LPCAT2: variants seen among roughly 807,000 people sequenced by gnomAD.
The protein encoded by LPCAT2 is 1-AGP acyltransferase 11.
A neutral mutation model predicts 64.7 loss-of-function variants in LPCAT2; 58 were observed. The ratio of observed to expected loss-of-function variants is 0.90; its 90% CI spans 0.73 to 1.12. LPCAT2 has a LOEUF of 1.12. Among genes scored for constraint, LPCAT2 ranks in the 50% most tolerant of loss-of-function variants. The probability of loss-of-function intolerance (pLI) is 0.00; values close to 1 mark genes in which losing one functional copy is unlikely to be tolerated. For missense variants in LPCAT2, 579 were observed against 669.8 expected (o/e 0.86, Z 1.50); for synonymous variants, 252 against 245.3 (o/e 1.03, Z -0.26).
rs779365528 is a variant in LPCAT2 at position 55,509,317 on chromosome 16, C to A, written c.136C>A (p.Gln46Lys). 3.4e-6 allele frequency: 5 copies of A among 1,486,148 alleles called. No homozygotes were observed. The highest frequency in any genetic ancestry group is 1.4e-5 in the African/African-American group (1 of 69,262). The allele number at this position is 1,486,148 out of a possible 1,614,324, so 92.1% of individuals were successfully genotyped here. ...GCCGCCGGTGCCGAACCCCTTCGTG[C>A]AGCAGACGCAGATCGGCTCCGCGAG... ...FPPPVPNPFVQQTQIGSARRV... is the reference protein window; with the variant it reads ...FPPPVPNPFVKQTQIGSARRV... Residue 46 changes from glutamine to lysine, a missense_variant, in exon 1 of 14, where the codon CAG becomes AAG. By Grantham distance (53) the Gln-to-Lys change is moderately conservative (BLOSUM62 1). Coordinates refer to ENST00000262134, the MANE Select transcript of LPCAT2 (RefSeq NM_017839.5).
chr16:55,568,001 A>G (rs988809641), intron 11 of LPCAT2, among the ~76,000 whole-genome samples: 1 of 152,204 alleles, frequency 6.6e-6, no homozygotes, highest in African/African-American at 2.4e-5. Context: ...ATGTAAAAAA[A>G]TGAAAAGTGC....
chr16:55,525,475 C>T (rs779557186), intron 1 of LPCAT2, 33 bp from the exon 2 acceptor site: 4 of 1,572,672 alleles, frequency 2.5e-6, no homozygotes, highest in Non-Finnish European at 3.5e-6. Context: ...AAATAATGTC[C>T]ATTCATTTAT....
intron 10 of LPCAT2, 120 bp downstream of exon 10, chr16:55,549,522 G>A (rs1963491643): frequency 1.0e-6 from 1 of 985,736 alleles, no homozygotes; most frequent in Non-Finnish European, 1.4e-6. Context: ...TGTATATTAG[G>A]AAAGTCAGAG....
At position 55,585,756 on chromosome 16, in the gene LPCAT2, A is replaced by C. The variant is rs369235638; in HGVS notation, c.*2658A>C. 2 of 152,288 alleles carry C rather than the reference A, an allele frequency of 1.3e-5. No individual in the cohort carries two copies. The highest frequency in any genetic ancestry group is 4.8e-5 in the African/African-American group (2 of 41,568). 9.4% of individuals were successfully genotyped at this position (152,288 alleles called of 1,614,324 possible). The stretch of plus-strand genomic sequence containing the variant: ...AAGTGTGATAGTAATGCTAGCTCTA[A>C]TGCATATTTAAAGGAGACTGCCTCG... On this transcript the variant is annotated 3_prime_UTR_variant, in exon 14 of 14. Coordinates refer to ENST00000262134, the MANE Select transcript of LPCAT2 (RefSeq NM_017839.5).
chr16:55,530,175 T>A (rs1310444825), intron 4 of LPCAT2, among the ~76,000 whole-genome samples: 4 of 152,246 alleles, frequency 2.6e-5, no homozygotes, highest in African/African-American at 7.2e-5. Context: ...TCCAAACTCT[T>A]TGAACCAATT....
intron 3 of LPCAT2, among the ~76,000 whole-genome samples, chr16:55,529,236 TC>T (rs1963218053): frequency 6.6e-6 from 1 of 152,180 alleles, no homozygotes; most frequent in Admixed American, 6.5e-5. Flanking sequence ...GTGTGAAAGT[TC>T]CCTGATGTTG....
chr16:55,568,933 A>G (rs1963738064), intron 11 of LPCAT2, among the ~76,000 whole-genome samples: 1 of 152,216 alleles, frequency 6.6e-6, no homozygotes, highest in Non-Finnish European at 1.5e-5. Flanking sequence ...TAGAGAGGCT[A>G]CATTTGCAAG....
At chr16:55,531,869 T>A (rs746418114) in intron 4 of LPCAT2, 45 bp from the exon 5 acceptor site, 1 of 1,237,802 alleles carries the variant, frequency 8.1e-7, no homozygotes, top group Non-Finnish European at 1.2e-6. Context: ...AAGAGGTAAT[T>A]TATTAATTAG....
intron 9 of LPCAT2, among the ~76,000 whole-genome samples, chr16:55,546,096 T>G (rs571622137): frequency 6.6e-6 from 1 of 151,992 alleles, no homozygotes; most frequent in Non-Finnish European, 1.5e-5. Flanking sequence ...CAGGGTGGAT[T>G]CTCCTAAGCT....
chr16:55,520,124 A>G (rs1482826047), intron 1 of LPCAT2, among the ~76,000 whole-genome samples: 1 of 152,172 alleles, frequency 6.6e-6, no homozygotes, highest in Non-Finnish European at 1.5e-5. Context: ...TAGACAAAAG[A>G]ATAAGACCCA....
At chr16:55,563,087 G>A (rs1449330573) in intron 11 of LPCAT2, among the ~76,000 whole-genome samples, 4 of 151,870 alleles carry the variant, frequency 2.6e-5, no homozygotes, top group African/African-American at 9.7e-5. Context: ...AGGATGATGA[G>A]TGAGTACTAC....
intron 13 of LPCAT2, 53 bp from the exon 14 acceptor site, chr16:55,582,861 T>C (rs1963901764): frequency 8.3e-7 from 1 of 1,211,226 alleles, no homozygotes; most frequent in South Asian, 1.4e-5. Context: ...ATCTGCATCA[T>C]GCCAAAAGAA....
intron 2 of LPCAT2, among the ~76,000 whole-genome samples, chr16:55,527,605 T>A (rs1963189908): frequency 6.6e-6 from 1 of 152,160 alleles, no homozygotes. Context: ...CTTCTAGGAA[T>A]ACATTTTTGT....
At chr16:55,567,239 T>A (rs763331405) in intron 11 of LPCAT2, 2 of 1,613,776 alleles carry the variant, frequency 1.2e-6, no homozygotes, top group East Asian at 2.2e-5. Flanking sequence ...ATAAGCAGTA[T>A]GACAGGGACC....
chr16:55,528,661 A>G (rs1963209623), intron 3 of LPCAT2, 67 bp downstream of exon 3: 4 of 1,171,434 alleles, frequency 3.4e-6, no homozygotes, highest in Non-Finnish European at 5.0e-6. Context: ...AAATAATCAT[A>G]TATAGTTCAT....
chr16:55,579,560 A>T (rs1260779281), intron 13 of LPCAT2, among the ~76,000 whole-genome samples: 1 of 152,190 alleles, frequency 6.6e-6, no homozygotes, highest in Non-Finnish European at 1.5e-5. Flanking sequence ...TATCTAAGAC[A>T]ATTTAGCTAA....
At chr16:55,527,753 A>C in intron 2 of LPCAT2, among the ~76,000 whole-genome samples, 1 of 151,890 alleles carries the variant, frequency 6.6e-6, no homozygotes, top group African/African-American at 2.4e-5. Flanking sequence ...TTGCTTAAGT[A>C]CATCTCTGTT....
intron 4 of LPCAT2, among the ~76,000 whole-genome samples, chr16:55,530,366 G>A (rs73549558): frequency 0.015 from 2,232 of 152,110 alleles, 49 homozygotes; most frequent in African/African-American, 0.05. Flanking sequence ...AAGTGATTAA[G>A]ATCTTTAATC....
In LPCAT2 at chr16:55,518,581, C is replaced by T. The variant is rs146901814; in HGVS notation, c.172-6927C>T. ...TGTGTTGTACCAGTAACAAGACAGA[C>T]ATATAGATCAATGAAATAGAATTGA... On this transcript the variant is annotated intron_variant, in intron 1 of 13. Coordinates refer to ENST00000262134, the MANE Select transcript of LPCAT2 (RefSeq NM_017839.5). 2.2e-3 allele frequency among the ~76,000 whole-genome samples: 332 copies of T among 152,222 alleles called. 4 individuals carry two copies. Among genetic ancestry groups the T allele is most frequent in the African/African-American group, 7.8e-3 (323 of 41,548 alleles).
Sources: allele counts gnomAD v4.1 joint callset (sites outside exome capture counted in the v4.1 genomes callset), GRCh38; gene constraint gnomAD v4.1.1; transcripts MANE v1.5; gene names NCBI Gene and HGNC (gene_info 2026-07-23, HGNC 2026-07-21).